STAC: variants seen among roughly 807,000 people sequenced by gnomAD.
STAC encodes the protein SH3 and cysteine-rich domain-containing protein.
STAC carries 43 observed loss-of-function variants against 48.8 expected under a neutral mutation model. That is an observed-to-expected ratio of 0.88 (90% CI 0.69 to 1.14). STAC has a LOEUF of 1.14. Among genes scored for constraint, STAC ranks in the 50% most tolerant of loss-of-function variants. The pLI is 0.00. For synonymous variants in STAC, 193 were observed against 179.5 expected (o/e 1.07, Z -0.60); for missense variants, 497 against 504.0 (o/e 0.99, Z 0.13).
Position 36,443,520 on chromosome 3 carries a change from GGAAGCCT to G in STAC, c.271_277del (p.Ser91ArgfsTer35), listed in dbSNP as rs1210191938. 1 of 1,614,088 alleles carries G rather than the reference GGAAGCCT, an allele frequency of 6.2e-7. No individual in the cohort carries two copies. The highest frequency in any genetic ancestry group is 8.5e-7 in the Non-Finnish European group (1 of 1,180,046). On this transcript the variant is annotated frameshift_variant, in exon 2 of 11. Transcript: ENST00000273183. LOFTEE classifies it high-confidence loss of function. This position sits in a 1 kb window ranked among gnomAD's most constrained non-coding sequence, Gnocchi z 4.2. ...CAGCTCCAGCCCACTCCCTGCTCCAGGAAGCCTGACGTCCACACCCGCCAGGGCTGGT... is the reference window on the plus strand; with the variant it reads ...CAGCTCCAGCCCACTCCCTGCTCCAGGACGTCCACACCCGCCAGGGCTGGT...
At chr3:36,543,502 A>G (rs2125506102) in intron 10 of STAC, among the ~76,000 whole-genome samples, 1 of 152,294 alleles carries the variant, frequency 6.6e-6, no homozygotes, top group African/African-American at 2.4e-5. Context: ...AGCATGAACC[A>G]TTGTGCTTCT....
chr3:36,397,632 C>G (rs968213478), intron 1 of STAC, among the ~76,000 whole-genome samples: 6 of 152,096 alleles, frequency 3.9e-5, no homozygotes, highest in African/African-American at 1.4e-4. Context: ...GATGTAAAAT[C>G]AAGAGGCCTC....
Position 36,397,105 on chromosome 3 carries a change from TTTTG to T in STAC, c.111+16355_111+16358del, listed in dbSNP as rs1381441660. Among the ~76,000 whole-genome samples, 15 of 152,306 alleles carry T rather than the reference TTTTG, an allele frequency of 9.8e-5. No individual in the cohort carries two copies. In the East Asian group the frequency reaches 2.9e-3, roughly 29 times the overall value. Reference sequence around the variant, plus strand: ...CGGTTTTGTCTTTTAGTGTTTTGTGTTTTGTTTTTGTTTTTTATTTAGTGATTAA... The same window carrying T: ...CGGTTTTGTCTTTTAGTGTTTTGTGTTTTTTGTTTTTTATTTAGTGATTAA... On this transcript the variant is annotated intron_variant, in intron 1 of 10. Coordinates refer to ENST00000273183, the MANE Select transcript of STAC (RefSeq NM_003149.3).
At chr3:36,524,407 C>T (rs1031139380) in intron 8 of STAC, among the ~76,000 whole-genome samples, 2 of 151,990 alleles carry the variant, frequency 1.3e-5, no homozygotes, top group Non-Finnish European at 2.9e-5. Context: ...GCCTGGCCAA[C>T]GTGGTGAAAC....
At chr3:36,459,682 G>GT (rs767499789) in intron 2 of STAC, among the ~76,000 whole-genome samples, 4 of 152,184 alleles carry the variant, frequency 2.6e-5, no homozygotes, top group Admixed American at 1.3e-4. Flanking sequence ...TTCTCGGCCA[G>GT]TTTATTCTTT....
At chr3:36,409,360 T>C (rs1700145591) in intron 1 of STAC, 1 of 152,056 alleles carries the variant, frequency 6.6e-6, no homozygotes, top group African/African-American at 2.4e-5. Flanking sequence ...CTTAACAAGG[T>C]TGTAAGGAGG....
chr3:36,504,928 T>C (rs1215911080), intron 7 of STAC, among the ~76,000 whole-genome samples: 1 of 151,994 alleles, frequency 6.6e-6, no homozygotes, highest in African/African-American at 2.4e-5. Flanking sequence ...GTTAGATATA[T>C]GATGCAACTA....
At chr3:36,389,370 G>A (rs1476676304) in intron 1 of STAC, among the ~76,000 whole-genome samples, 1 of 152,064 alleles carries the variant, frequency 6.6e-6, no homozygotes, top group African/African-American at 2.4e-5. Context: ...GGGCAAGGTA[G>A]TGCTCTGAGG....
chr3:36,460,375 A>T (rs546261787), intron 2 of STAC, among the ~76,000 whole-genome samples: 4 of 152,246 alleles, frequency 2.6e-5, no homozygotes, highest in African/African-American at 7.2e-5. Flanking sequence ...TAAACGACAA[A>T]TTTTTTTAAT....
At chr3:36,410,162 G>A (rs1700164641) in intron 1 of STAC, among the ~76,000 whole-genome samples, 1 of 152,152 alleles carries the variant, frequency 6.6e-6, no homozygotes, top group African/African-American at 2.4e-5. Context: ...AGGTGAGACA[G>A]GAAGTGAGGG....
At chr3:36,454,697 T>G (rs901369474) in intron 2 of STAC, among the ~76,000 whole-genome samples, 4 of 152,080 alleles carry the variant, frequency 2.6e-5, no homozygotes, top group African/African-American at 9.7e-5. Flanking sequence ...AAATAAAAAT[T>G]TGCCAAGTTG....
intron 2 of STAC, among the ~76,000 whole-genome samples, chr3:36,479,252 T>C (rs1559507184): frequency 6.6e-6 from 1 of 152,188 alleles, no homozygotes; most frequent in Non-Finnish European, 1.5e-5. Context: ...AAATTCTGGG[T>C]TGCAAATCTT....
At chr3:36,533,192 T>C (rs1027862568) in intron 10 of STAC, among the ~76,000 whole-genome samples, 9 of 152,326 alleles carry the variant, frequency 5.9e-5, no homozygotes, top group Middle Eastern at 3.4e-3. Context: ...AAAGACTCCT[T>C]GAATACAAGT....
chr3:36,442,160 G>A (rs1243803429), intron 1 of STAC, among the ~76,000 whole-genome samples: 1 of 152,164 alleles, frequency 6.6e-6, no homozygotes, highest in African/African-American at 2.4e-5. Flanking sequence ...TCATTGCATT[G>A]CAGTTCTAGA....
chr3:36,508,215 T>C (rs1332876499), intron 8 of STAC, among the ~76,000 whole-genome samples: 1 of 152,198 alleles, frequency 6.6e-6, no homozygotes, highest in African/African-American at 2.4e-5. Flanking sequence ...TCAGTTTCCA[T>C]GTAGTTGTGT....
intron 1 of STAC, among the ~76,000 whole-genome samples, chr3:36,427,035 A>AGCTAAG (rs1362094558): frequency 6.6e-6 from 1 of 152,214 alleles, no homozygotes; most frequent in African/African-American, 2.4e-5. Context: ...CAAACACCCC[A>AGCTAAG]GCTAAGGCCT....
chr3:36,504,256 C>A, intron 6 of STAC, 137 bp from the exon 7 acceptor site: 1 of 749,486 alleles, frequency 1.3e-6, no homozygotes, highest in African/African-American at 1.8e-5. Flanking sequence ...AACGCTGGGT[C>A]ACAGAGGGTG....
intron 1 of STAC, among the ~76,000 whole-genome samples, chr3:36,384,508 T>G (rs1296359778): frequency 6.6e-6 from 1 of 152,206 alleles, no homozygotes; most frequent in Non-Finnish European, 1.5e-5. Context: ...ATTTATTTTC[T>G]CTATTTGTTT....
At chr3:36,454,817 A>T (rs576139514) in intron 2 of STAC, among the ~76,000 whole-genome samples, 2 of 152,176 alleles carry the variant, frequency 1.3e-5, no homozygotes, top group African/African-American at 2.4e-5. Context: ...TTATATGATC[A>T]AATTCAGGGA....
Sources: allele counts gnomAD v4.1 joint callset (sites outside exome capture counted in the v4.1 genomes callset), GRCh38; gene constraint gnomAD v4.1.1; non-coding constraint Gnocchi (gnomAD v3.1); transcripts MANE v1.5; gene names NCBI Gene and HGNC (gene_info 2026-07-23, HGNC 2026-07-21).